The following TRAT1 variants were observed in gnomAD, a reference collection of about 807,000 sequenced individuals.
TRAT1 encodes the protein T cell receptor associated transmembrane adaptor 1.
Under a neutral mutation model 20.0 loss-of-function variants are expected in TRAT1, and 20 were observed. That is an observed-to-expected ratio of 1.00 (90% CI 0.70 to 1.45). TRAT1 has a LOEUF of 1.45. Ranked by LOEUF, TRAT1 falls within the 40% of genes most tolerant of loss-of-function variation. TRAT1 has a pLI of 0.00. For missense variants in TRAT1, 237 were observed against 224.1 expected, an observed-to-expected ratio of 1.06 and a Z score of -0.37; for synonymous variants, 77 against 74.2, an observed-to-expected ratio of 1.04 and a Z score of -0.20.
chr3:108,853,489 G>T, intron 5 of TRAT1, 131 bp from the exon 6 acceptor site: 1 of 1,065,368 alleles, frequency 9.4e-7, no homozygotes. Context: ...TTTTTGTACT[G>T]ACAAATTTGG....
intron 3 of TRAT1, among the ~76,000 whole-genome samples, chr3:108,840,642 A>G (rs1945887946): frequency 1.3e-5 from 2 of 152,196 alleles, no homozygotes; most frequent in African/African-American, 4.8e-5. Flanking sequence ...CTGATTACCA[A>G]TCCCAAGGGA....
intron 3 of TRAT1, among the ~76,000 whole-genome samples, chr3:108,841,250 A>G (rs1188076731): frequency 2.6e-5 from 4 of 152,256 alleles, no homozygotes; most frequent in Non-Finnish European, 5.9e-5. Context: ...CTATTGTAAC[A>G]AATCTCCAGT....
At chr3:108,828,068 T>C (rs1172988699) in intron 1 of TRAT1, among the ~76,000 whole-genome samples, 2 of 152,126 alleles carry the variant, frequency 1.3e-5, no homozygotes. Flanking sequence ...TCCAAATGAT[T>C]GGATGATTTA....
At chr3:108,835,119 T>C (rs1945827191) in intron 2 of TRAT1, among the ~76,000 whole-genome samples, 1 of 152,220 alleles carries the variant, frequency 6.6e-6, no homozygotes, top group South Asian at 2.1e-4. Context: ...ATCTTCACAT[T>C]TAACATGTAT....
chr3:108,835,306 C>A (rs952781956), intron 2 of TRAT1, among the ~76,000 whole-genome samples: 2 of 152,228 alleles, frequency 1.3e-5, no homozygotes, highest in Non-Finnish European at 2.9e-5. Context: ...TATGAGAGCT[C>A]ACCTAGTTCT....
chr3:108,834,585 G>C (rs1391438384), intron 2 of TRAT1, among the ~76,000 whole-genome samples: 2 of 152,180 alleles, frequency 1.3e-5, no homozygotes, highest in African/African-American at 4.8e-5. Context: ...AGATTCTATT[G>C]TATCAACTGG....
chr3:108,845,583 A>C (rs569116956), intron 3 of TRAT1, among the ~76,000 whole-genome samples: 64 of 152,336 alleles, frequency 4.2e-4, no homozygotes, highest in Non-Finnish European at 7.8e-4. Context: ...TTTTCAAGCC[A>C]TTTCATACAG....
chr3:108,830,846 C>A, intron 2 of TRAT1, 66 bp downstream of exon 2: 2 of 971,764 alleles, frequency 2.1e-6, no homozygotes, highest in South Asian at 2.9e-5. Flanking sequence ...CACTGGAAAA[C>A]CTATGGAAGC....
intron 1 of TRAT1, among the ~76,000 whole-genome samples, chr3:108,824,620 G>A (rs1576516342): frequency 1.3e-5 from 2 of 152,170 alleles, no homozygotes; most frequent in East Asian, 3.9e-4. Context: ...TATAATTTCT[G>A]TGAATTGGCT....
intron 3 of TRAT1, among the ~76,000 whole-genome samples, chr3:108,841,825 C>A (rs1055240659): frequency 2.0e-5 from 3 of 152,088 alleles, no homozygotes; most frequent in Non-Finnish European, 4.4e-5. Context: ...AAACATAATT[C>A]TTGCCTTTTG....
intron 3 of TRAT1, among the ~76,000 whole-genome samples, chr3:108,846,457 T>G (rs1218301582): frequency 1.3e-5 from 2 of 152,202 alleles, no homozygotes; most frequent in African/African-American, 4.8e-5. Context: ...ATACAATGTA[T>G]GTAAAACACC....
chr3:108,838,806 GC>G, intron 2 of TRAT1, 127 bp from the exon 3 acceptor site: 1 of 744,508 alleles, frequency 1.3e-6, no homozygotes, highest in South Asian at 1.5e-5. Context: ...AATCAGAGGT[GC>G]CCTGAGAGCC....
chr3:108,827,798 G>A (rs545196718), intron 1 of TRAT1, among the ~76,000 whole-genome samples: 4 of 152,124 alleles, frequency 2.6e-5, no homozygotes, highest in African/African-American at 7.2e-5. Flanking sequence ...AACAGTAAAC[G>A]ACAAAACACA....
chr3:108,844,016 C>A (rs1255994562), intron 3 of TRAT1, among the ~76,000 whole-genome samples: 3 of 152,202 alleles, frequency 2.0e-5, no homozygotes, highest in Non-Finnish European at 1.5e-5. Flanking sequence ...AAGCTTACAT[C>A]TTTGCCTATT....
At chr3:108,834,624 A>G (rs1452268299) in intron 2 of TRAT1, among the ~76,000 whole-genome samples, 2 of 152,370 alleles carry the variant, frequency 1.3e-5, no homozygotes, top group Non-Finnish European at 1.5e-5. Flanking sequence ...TGTGAATGAA[A>G]TGCCCCTGTA....
At chr3:108,850,559 C>T (rs1945989745) in intron 5 of TRAT1, among the ~76,000 whole-genome samples, 1 of 152,176 alleles carries the variant, frequency 6.6e-6, no homozygotes, top group Non-Finnish European at 1.5e-5. Flanking sequence ...CCACCTCGGC[C>T]TCCCAAAGTG....
chr3:108,835,668 C>T (rs778549373), intron 2 of TRAT1, among the ~76,000 whole-genome samples: 1 of 152,208 alleles, frequency 6.6e-6, no homozygotes, highest in African/African-American at 2.4e-5. Context: ...GAACTTCTTA[C>T]ATCCCATTTC....
chr3:108,828,445 A>G (rs1226892949), intron 1 of TRAT1, among the ~76,000 whole-genome samples: 3 of 152,190 alleles, frequency 2.0e-5, no homozygotes. Context: ...CACAAAAATG[A>G]GTATCATAAA....
At chr3:108,842,176 G>C (rs1945901860) in intron 3 of TRAT1, among the ~76,000 whole-genome samples, 1 of 152,144 alleles carries the variant, frequency 6.6e-6, no homozygotes, top group South Asian at 2.1e-4. Context: ...CTCTCAAAAA[G>C]CTTAGGATGC....
Sources: allele counts gnomAD v4.1 joint callset (sites outside exome capture counted in the v4.1 genomes callset), GRCh38; gene constraint gnomAD v4.1.1; transcripts MANE v1.5; gene names NCBI Gene and HGNC (gene_info 2026-07-23, HGNC 2026-07-21).